The following DZIP1 variants were observed in gnomAD, a reference collection of about 807,000 sequenced individuals.
DZIP1 encodes DAZ interacting zinc finger protein 1.
A neutral mutation model predicts 107.6 loss-of-function variants in DZIP1; 97 were observed. That is an observed-to-expected ratio of 0.90 (90% CI 0.77 to 1.07). The LOEUF is 1.07. DZIP1 is among the 50% of genes least tolerant of loss of function. The pLI is 0.00. For synonymous variants in DZIP1, 390 were observed against 386.4 expected, an observed-to-expected ratio of 1.01 and a Z score of -0.11; for missense variants, 1,035 against 1,063.6, an observed-to-expected ratio of 0.97 and a Z score of 0.37.
At chr13:95,617,959 T>A (rs566357916) in intron 10 of DZIP1, 143 of 518,978 alleles carry the variant, frequency 2.8e-4, no homozygotes, top group South Asian at 7.5e-4. Context: ...GGAACGAGGG[T>A]GCCATTTGCC....
At chr13:95,593,305 C>T (rs952909626) in intron 16 of DZIP1, among the ~76,000 whole-genome samples, 1 of 152,180 alleles carries the variant, frequency 6.6e-6, no homozygotes, top group Non-Finnish European at 1.5e-5. Flanking sequence ...TACACATCCA[C>T]GTGTGTGCCC....
chr13:95,613,732 A>G (rs951746926), intron 10 of DZIP1, among the ~76,000 whole-genome samples: 2 of 152,218 alleles, frequency 1.3e-5, no homozygotes, highest in Non-Finnish European at 2.9e-5. Flanking sequence ...CCACACCACA[A>G]TGTTATGGAC....
chr13:95,635,123 T>A (rs1877636697), intron 5 of DZIP1, among the ~76,000 whole-genome samples: 1 of 152,188 alleles, frequency 6.6e-6, no homozygotes, highest in Non-Finnish European at 1.5e-5. Flanking sequence ...TTCACCATGC[T>A]GCCTTACTCT....
rs1045132533 is a variant in DZIP1 at position 95,609,487 on chromosome 13, C to G, written c.1390G>C (p.Glu464Gln). Residue 464 changes from glutamate to glutamine, a missense_variant, in exon 13 of 23, where the codon GAA becomes CAA. Transcript: ENST00000376829. ...KGNPLAWQAF[E>Q]SQPAAPAVPM... The stretch of plus-strand genomic sequence containing the variant: ...ACAGCTGGAGCAGCTGGCTGAGATT[C>G]AAAAGCCTGCCAGGCTAAAGGATTT... 4.4e-6 allele frequency: 7 copies of G among 1,589,256 alleles called. No individual in the cohort carries two copies. Among genetic ancestry groups the G allele is most frequent in the Non-Finnish European group, 6.0e-6 (7 of 1,168,476 alleles).
intron 10 of DZIP1, among the ~76,000 whole-genome samples, chr13:95,614,246 C>T (rs894143815): frequency 1.6e-4 from 25 of 151,994 alleles, no homozygotes; most frequent in African/African-American, 5.6e-4. Context: ...AAAGATTTTC[C>T]GAGTGAAACC....
At chr13:95,630,214 C>T in intron 6 of DZIP1, 101 bp from the exon 7 acceptor site, 1 of 1,401,098 alleles carries the variant, frequency 7.1e-7, no homozygotes, top group Non-Finnish European at 9.5e-7. Context: ...AAACTGTCCT[C>T]TTACTTGGGA....
At chr13:95,602,575 G>A (rs766747108) in intron 14 of DZIP1, among the ~76,000 whole-genome samples, 28 of 152,242 alleles carry the variant, frequency 1.8e-4, no homozygotes, top group Admixed American at 2.0e-4. Flanking sequence ...GAAGGCAAGA[G>A]TGGCGGAACA....
intron 8 of DZIP1, among the ~76,000 whole-genome samples, chr13:95,624,055 A>C (rs1440908292): frequency 6.6e-6 from 1 of 152,102 alleles, no homozygotes; most frequent in African/African-American, 2.4e-5. Context: ...CTAGAGTTTA[A>C]AGAGTTTTAG....
chr13:95,584,323 C>T (rs1260935666), intron 22 of DZIP1, among the ~76,000 whole-genome samples: 4 of 149,690 alleles, frequency 2.7e-5, no homozygotes, highest in Non-Finnish European at 5.9e-5. Flanking sequence ...GGGCCACGAG[C>T]GGTGGCCCAT....
Position 95,582,136 on chromosome 13 carries a change from C to T in DZIP1, c.*98G>A, listed in dbSNP as rs376392401. ...AGTCTCTGTGTTGCTGTGGGAAACACGGTAAGGCAGAAGCACTAGAATCAT... is the reference window on the plus strand; with the variant it reads ...AGTCTCTGTGTTGCTGTGGGAAACATGGTAAGGCAGAAGCACTAGAATCAT... On this transcript the variant is annotated 3_prime_UTR_variant, in exon 23 of 23. Transcript: ENST00000376829. The T allele has an allele frequency of 7.8e-6, 9 of 1,156,044 alleles. No individual in the cohort carries two copies. Among genetic ancestry groups the T allele is most frequent in the East Asian group, 4.7e-5 (2 of 42,456 alleles). The allele number at this position is 1,156,044 out of a possible 1,614,324, so 71.6% of individuals were successfully genotyped here. A position where few individuals can be genotyped will look rare whatever the true frequency, so the allele number is the denominator to read the frequency against.
At chr13:95,612,221 C>G in intron 10 of DZIP1, 44 bp from the exon 11 acceptor site, 2 of 1,585,052 alleles carry the variant, frequency 1.3e-6, no homozygotes, top group Non-Finnish European at 1.7e-6. Context: ...AGCTGCATGT[C>G]AAATGTCTTC....
chr13:95,589,176 GA>G lies in DZIP1; in HGVS notation c.2004del (p.Arg670GlufsTer48). ...KIKKNVMEDP[F>X]PRKSSTITTP... ...CACGTAATAGTTGAAGACTTTCTGG[GA>G]AAAGGATCTTCCATGACATTTTTCT... On this transcript the variant is annotated frameshift_variant, in exon 19 of 23. Transcript: ENST00000376829. LOFTEE classifies it high-confidence loss of function. 1 of 1,606,290 alleles carries G rather than the reference GA, an allele frequency of 6.2e-7. No homozygotes were observed. Among genetic ancestry groups the G allele is most frequent in the Admixed American group, 1.7e-5 (1 of 58,506 alleles).
At chr13:95,593,444 C>CT (rs1176322962) in intron 16 of DZIP1, among the ~76,000 whole-genome samples, 2 of 152,062 alleles carry the variant, frequency 1.3e-5, no homozygotes, top group African/African-American at 4.8e-5. Context: ...GTCAATAAAA[C>CT]TATAAAAAGC....
intron 5 of DZIP1, among the ~76,000 whole-genome samples, chr13:95,636,450 G>A (rs556853667): frequency 1.7e-4 from 26 of 151,594 alleles, no homozygotes; most frequent in African/African-American, 6.1e-4. Context: ...GGCTGAGGCC[G>A]GAGAATCGCT....
rs1566365001 is a variant in DZIP1 at position 95,590,394 on chromosome 13, A to G, written c.1728T>C (p.Ser576=). Residue 576 remains serine (S), a synonymous_variant, in exon 17 of 23, where the codon AGT becomes AGC. Coordinates refer to ENST00000376829, the MANE Select transcript of DZIP1 (RefSeq NM_198968.4). ...CTTGCTTATGTCTTTCTGATTCCAC[A>G]CTTTTTAGTACTCTATGCAACTGAT... ...SSDQLHRVLK[S]VESERHKQER... is the part of the protein sequence containing the mutation. 6.2e-7 allele frequency: 1 copy of G among 1,613,322 alleles called. No individual in the cohort carries two copies. The highest frequency in any genetic ancestry group is 1.7e-5 in the Admixed American group (1 of 59,830).
chr13:95,583,319 G>A (rs2044061648), intron 22 of DZIP1, among the ~76,000 whole-genome samples: 1 of 151,704 alleles, frequency 6.6e-6, no homozygotes, highest in South Asian at 2.1e-4. Flanking sequence ...AGTGAAGAAG[G>A]CGTGAGAGGT....
intron 5 of DZIP1, among the ~76,000 whole-genome samples, chr13:95,635,533 A>G (rs1877696775): frequency 6.6e-6 from 1 of 152,064 alleles, no homozygotes; most frequent in African/African-American, 2.4e-5. Context: ...CATCTCAGAG[A>G]ATCCCTAAAG....
At chr13:95,627,649 T>C (rs1272163026) in intron 7 of DZIP1, among the ~76,000 whole-genome samples, 2 of 152,168 alleles carry the variant, frequency 1.3e-5, no homozygotes, top group Non-Finnish European at 2.9e-5. Flanking sequence ...TAACAAGTAT[T>C]GGTGAGGATG....
chr13:95,585,716 A>G (rs556932438), intron 21 of DZIP1, among the ~76,000 whole-genome samples: 8 of 152,224 alleles, frequency 5.3e-5, no homozygotes, highest in Non-Finnish European at 1.0e-4. Flanking sequence ...GCCAGTCACA[A>G]ATTTCTTTGT....
Sources: gnomAD v4.1 joint callset for allele counts (sites outside exome capture counted in the v4.1 genomes callset) on GRCh38, gnomAD v4.1.1 for gene constraint, MANE v1.5 for transcripts, NCBI Gene and HGNC (gene_info 2026-07-23, HGNC 2026-07-21) for gene names.